CRTAM: variants seen among roughly 807,000 people sequenced by gnomAD.
The protein encoded by CRTAM is cytotoxic and regulatory T-cell molecule.
In CRTAM, 44 loss-of-function variants were observed where a neutral mutation model predicts 50.0. The ratio of observed to expected loss-of-function variants is 0.88; its 90% CI spans 0.69 to 1.13. The LOEUF (loss-of-function observed/expected upper bound fraction) is 1.13. Ranked by LOEUF, CRTAM falls within the 50% of genes most tolerant of loss-of-function variation. CRTAM has a pLI of 0.00. For missense variants in CRTAM, 448 were observed against 457.5 expected, an observed-to-expected ratio of 0.98 and a Z score of 0.19; for synonymous variants, 159 against 169.3, an observed-to-expected ratio of 0.94 and a Z score of 0.47.
intron 5 of CRTAM, among the ~76,000 whole-genome samples, chr11:122,860,079 C>G (rs1862052706): frequency 6.6e-6 from 1 of 152,164 alleles, no homozygotes; most frequent in African/African-American, 2.4e-5. Flanking sequence ...TGGAGTCTTG[C>G]TCTTGTCGTT....
At chr11:122,849,415 A>G (rs1284435238) in intron 1 of CRTAM, among the ~76,000 whole-genome samples, 1 of 152,142 alleles carries the variant, frequency 6.6e-6, no homozygotes, top group Non-Finnish European at 1.5e-5. Context: ...CTTCCTTTCT[A>G]GGGTTAGTTT....
chr11:122,838,681 G>C (rs1861761634), intron 1 of CRTAM, 89 bp downstream of exon 1: 1 of 1,264,786 alleles, frequency 7.9e-7, no homozygotes, highest in Non-Finnish European at 1.1e-6. Context: ...CATTTACAGA[G>C]GAGCTGCTGT....
rs761942279 is a variant in CRTAM, at chr11:122,867,492, C to G, written c.901C>G (p.Leu301Val). The change falls in exon 8 of 10, where the codon CTC becomes GTC. Residue 301 changes from leucine (L) to valine (V), a missense_variant. Leu to Val is a conservative substitution (Grantham distance 32). Coordinates refer to ENST00000227348, the MANE Select transcript of CRTAM (RefSeq NM_019604.4). ...LTLVSFLIFILFIIVQLFIMK... is the reference protein window; with the variant it reads ...LTLVSFLIFIVFIIVQLFIMK... ...GCTGGTGTCCTTCCTCATTTTCATA[C>G]TCTTCATCATAGTCCAGCTCTTCAT... is the stretch of plus-strand genomic sequence containing the variant. 8.1e-6 allele frequency: 13 copies of G among 1,613,882 alleles called. No individual in the cohort carries two copies. In the East Asian group the frequency reaches 2.9e-4, roughly 36 times the overall value.
chr11:122,860,445 C>G (rs558740227), intron 5 of CRTAM, among the ~76,000 whole-genome samples: 1 of 152,254 alleles, frequency 6.6e-6, no homozygotes, highest in South Asian at 2.1e-4. Context: ...CTACAATATT[C>G]TGACCAACTA....
chr11:122,855,075 C>G (rs1861987825), intron 4 of CRTAM, among the ~76,000 whole-genome samples: 1 of 152,158 alleles, frequency 6.6e-6, no homozygotes, highest in African/African-American at 2.4e-5. Flanking sequence ...TCTGGAGTAG[C>G]TGGGATTACA....
intron 3 of CRTAM, among the ~76,000 whole-genome samples, chr11:122,852,897 T>C (rs1447507006): frequency 3.3e-5 from 5 of 152,116 alleles, no homozygotes; most frequent in Admixed American, 3.3e-4. Context: ...AAGAAGTGCC[T>C]TTATAAGGTC....
intron 1 of CRTAM, among the ~76,000 whole-genome samples, chr11:122,838,890 C>G (rs1861764961): frequency 6.6e-6 from 1 of 152,060 alleles, no homozygotes; most frequent in African/African-American, 2.4e-5. Flanking sequence ...AAGGGCATAC[C>G]AGTTGAAAGA....
chr11:122,852,885 C>T (rs555153168), intron 3 of CRTAM, among the ~76,000 whole-genome samples: 2 of 152,144 alleles, frequency 1.3e-5, no homozygotes, highest in East Asian at 3.9e-4. Context: ...ATATTTGGAG[C>T]TAAGAAGTGC....
intron 2 of CRTAM, among the ~76,000 whole-genome samples, chr11:122,850,718 TAGAC>T (rs373325298): frequency 6.6e-6 from 1 of 152,172 alleles, no homozygotes; most frequent in African/African-American, 2.4e-5. Context: ...GCAATAGAAA[TAGAC>T]AGGATGTATT....
At position 122,871,430 on chromosome 11, in the gene CRTAM, G is replaced by C; in HGVS notation, c.*31G>C. 1 of 1,593,394 alleles carries C rather than the reference G, an allele frequency of 6.3e-7. No homozygotes were observed. The highest frequency in any genetic ancestry group is 1.9e-4 in the Middle Eastern group (1 of 5,394). On this transcript the variant is annotated 3_prime_UTR_variant, in exon 10 of 10. Transcript: ENST00000227348. ...TCTGCAATGGAACATGTGATTTCAG[G>C]GTTGCCGCAGTGTCACCTCAGTGGA... is the stretch of plus-strand genomic sequence containing the variant.
chr11:122,847,931 G>A (rs144628200), intron 1 of CRTAM, among the ~76,000 whole-genome samples: 20 of 152,344 alleles, frequency 1.3e-4, no homozygotes, highest in African/African-American at 4.6e-4. Flanking sequence ...GGAAGTCTTT[G>A]AAAGTGAGAT....
At chr11:122,850,334 C>A in intron 2 of CRTAM, 120 bp downstream of exon 2, 1 of 945,304 alleles carries the variant, frequency 1.1e-6, no homozygotes, top group Non-Finnish European at 1.5e-6. Flanking sequence ...CTCAGCCCAC[C>A]TACTGTTACA....
At chr11:122,848,311 T>C (rs1419207633) in intron 1 of CRTAM, among the ~76,000 whole-genome samples, 1 of 152,230 alleles carries the variant, frequency 6.6e-6, no homozygotes, top group Non-Finnish European at 1.5e-5. Flanking sequence ...GAAGAAATTC[T>C]ATTGTCATTC....
At chr11:122,844,360 A>G (rs1462901654) in intron 1 of CRTAM, among the ~76,000 whole-genome samples, 2 of 152,218 alleles carry the variant, frequency 1.3e-5, no homozygotes, top group Non-Finnish European at 2.9e-5. Flanking sequence ...ATCTTACCCA[A>G]TGCAGGCTTT....
intron 1 of CRTAM, among the ~76,000 whole-genome samples, chr11:122,841,603 T>C (rs1861799519): frequency 6.6e-6 from 1 of 152,078 alleles, no homozygotes; most frequent in Non-Finnish European, 1.5e-5. Flanking sequence ...GCTTTCACCA[T>C]GTTAGCCAGG....
chr11:122,842,811 A>G (rs1861815212), intron 1 of CRTAM, among the ~76,000 whole-genome samples: 1 of 152,182 alleles, frequency 6.6e-6, no homozygotes. Context: ...TGGTGATGAC[A>G]TTAATTTATA....
intron 1 of CRTAM, among the ~76,000 whole-genome samples, chr11:122,847,433 A>G (rs1861879360): frequency 6.6e-6 from 1 of 152,232 alleles, no homozygotes; most frequent in African/African-American, 2.4e-5. Context: ...CTTACCAGAT[A>G]AGACTGATGT....
intron 3 of CRTAM, among the ~76,000 whole-genome samples, chr11:122,852,265 T>C (rs1322706123): frequency 1.3e-5 from 2 of 152,110 alleles, no homozygotes; most frequent in South Asian, 2.1e-4. Context: ...AATCCTAAGA[T>C]AGAATGAATT....
chr11:122,865,798 T>G (rs760782507), intron 7 of CRTAM, among the ~76,000 whole-genome samples: 2 of 152,210 alleles, frequency 1.3e-5, no homozygotes, highest in Non-Finnish European at 2.9e-5. Context: ...ACCTTGGTGT[T>G]ATCTATCACT....
Sources: gnomAD v4.1 joint callset for allele counts (sites outside exome capture counted in the v4.1 genomes callset) on GRCh38, gnomAD v4.1.1 for gene constraint, MANE v1.5 for transcripts, NCBI Gene and HGNC (gene_info 2026-07-23, HGNC 2026-07-21) for gene names.